NKAIN2: variants seen among roughly 807,000 people sequenced by gnomAD.
The protein encoded by NKAIN2 is sodium/potassium-transporting ATPase subunit beta-1-interacting protein 2.
In NKAIN2, 14 loss-of-function variants were observed where a neutral mutation model predicts 32.6. That is an observed-to-expected ratio of 0.43 (90% CI 0.28 to 0.67). NKAIN2 has a LOEUF of 0.67. Among genes scored for constraint, NKAIN2 ranks in the 30% least tolerant of loss-of-function variants. The pLI, the probability that NKAIN2 is intolerant of heterozygous loss-of-function variation, is 0.17. For missense variants in NKAIN2, 198 were observed against 258.3 expected, an observed-to-expected ratio of 0.77 and a Z score of 1.60; for synonymous variants, 80 against 87.2, an observed-to-expected ratio of 0.92 and a Z score of 0.46.
intron 3 of NKAIN2, among the ~76,000 whole-genome samples, chr6:124,625,390 G>A (rs372344720): frequency 2.6e-5 from 4 of 152,108 alleles, no homozygotes; most frequent in Non-Finnish European, 5.9e-5. Flanking sequence ...AGGAGATGCC[G>A]CTCTTCACTT....
intron 3 of NKAIN2, among the ~76,000 whole-genome samples, chr6:124,549,752 G>A (rs1170382491): frequency 1.3e-5 from 2 of 152,270 alleles, no homozygotes; most frequent in East Asian, 3.9e-4. Flanking sequence ...GATTGGGTTA[G>A]TCTGATGTTT....
chr6:124,823,417 A>C lies in NKAIN2; in HGVS notation c.*188A>C. ...ACACACACGTGAGCACGCACACACC[A>C]ATTCCACTTGACCTCCTCTTTCTAA... is the stretch of plus-strand genomic sequence containing the variant. On this transcript the variant is annotated 3_prime_UTR_variant, in exon 7 of 7. Coordinates refer to ENST00000368417, the MANE Select transcript of NKAIN2 (RefSeq NM_001040214.3). 1 of 553,294 alleles carries C rather than the reference A, an allele frequency of 1.8e-6. No homozygotes were observed. Among genetic ancestry groups the C allele is most frequent in the East Asian group, 2.8e-5 (1 of 35,144 alleles). The allele number at this position is 553,294 out of a possible 1,614,324, so 34.3% of individuals were successfully genotyped here. A position where few individuals can be genotyped will look rare whatever the true frequency, so the allele number is the denominator to read the frequency against.
intron 3 of NKAIN2, among the ~76,000 whole-genome samples, chr6:124,386,876 T>G (rs2208813): frequency 0.13 from 19,069 of 152,160 alleles, 1,677 homozygotes; most frequent in African/African-American, 0.24. Context: ...AAACCTTTTG[T>G]AACACATCAA....
chr6:124,806,325 G>A (rs1275726968), intron 5 of NKAIN2, among the ~76,000 whole-genome samples: 3 of 152,028 alleles, frequency 2.0e-5, no homozygotes, highest in African/African-American at 7.2e-5. Context: ...AGAGAGTGAG[G>A]GCCAATATTC....
At chr6:124,459,683 T>C (rs920216538) in intron 3 of NKAIN2, among the ~76,000 whole-genome samples, 3 of 151,896 alleles carry the variant, frequency 2.0e-5, no homozygotes, top group Non-Finnish European at 2.9e-5. Context: ...TTATTTTCCC[T>C]AATGTTAATA....
chr6:124,814,499 G>C (rs769736460), intron 5 of NKAIN2, among the ~76,000 whole-genome samples: 1 of 152,118 alleles, frequency 6.6e-6, no homozygotes, highest in Non-Finnish European at 1.5e-5. Context: ...CAGGCCATCA[G>C]CATGGTCCGA....
At chr6:124,776,743 A>G (rs1357488024) in intron 4 of NKAIN2, among the ~76,000 whole-genome samples, 1 of 152,188 alleles carries the variant, frequency 6.6e-6, no homozygotes, top group Non-Finnish European at 1.5e-5. Context: ...AAGAGATAAA[A>G]GTATGGTTTC....
At chr6:123,831,973 T>C (rs1207472946) in intron 1 of NKAIN2, among the ~76,000 whole-genome samples, 8 of 152,196 alleles carry the variant, frequency 5.3e-5, no homozygotes, top group African/African-American at 1.7e-4. Context: ...TGAGCCTGTA[T>C]TGACACATTG....
intron 1 of NKAIN2, among the ~76,000 whole-genome samples, chr6:124,127,395 G>A (rs1048105592): frequency 6.6e-6 from 1 of 152,184 alleles, no homozygotes; most frequent in African/African-American, 2.4e-5. Flanking sequence ...CCTGCTTCAT[G>A]ATGGCCTTGA....
chr6:124,230,043 G>A (rs1274460756), intron 1 of NKAIN2, among the ~76,000 whole-genome samples: 31 of 152,084 alleles, frequency 2.0e-4, no homozygotes, highest in Admixed American at 2.0e-3. Context: ...GGGAAAATTT[G>A]GAACTCCCTA....
chr6:124,433,418 A>C (rs1775301883), intron 3 of NKAIN2, among the ~76,000 whole-genome samples: 1 of 152,186 alleles, frequency 6.6e-6, no homozygotes. Context: ...TACAGGATAG[A>C]ACTTGTCTCA....
intron 1 of NKAIN2, among the ~76,000 whole-genome samples, chr6:123,861,994 G>C (rs547727525): frequency 6.6e-6 from 1 of 152,096 alleles, no homozygotes; most frequent in Non-Finnish European, 1.5e-5. Flanking sequence ...GAACAAACAG[G>C]ATGAAAAATA....
At chr6:123,871,399 C>T (rs1772867067) in intron 1 of NKAIN2, among the ~76,000 whole-genome samples, 2 of 152,158 alleles carry the variant, frequency 1.3e-5, no homozygotes, top group Non-Finnish European at 2.9e-5. Flanking sequence ...AGATGCCTTG[C>T]TGGAGCATTT....
chr6:123,844,240 G>A (rs1400343282), intron 1 of NKAIN2, among the ~76,000 whole-genome samples: 1 of 152,182 alleles, frequency 6.6e-6, no homozygotes, highest in African/African-American at 2.4e-5. Context: ...ATAAGTGTTG[G>A]GAGGAAAGCG....
chr6:124,579,628 AGAGAG>A (rs146071619), intron 3 of NKAIN2, among the ~76,000 whole-genome samples: 6,554 of 152,274 alleles, frequency 0.043, 243 homozygotes, highest in South Asian at 0.15. Flanking sequence ...TTGGCCTTAA[AGAGAG>A]GTAGAGAGAG....
intron 4 of NKAIN2, among the ~76,000 whole-genome samples, chr6:124,742,842 T>C (rs1158965977): frequency 6.6e-6 from 1 of 151,864 alleles, no homozygotes; most frequent in African/African-American, 2.4e-5. Flanking sequence ...CTGGAAGATG[T>C]TCAGATTTTA....
chr6:124,400,678 T>C (rs1009889023), intron 3 of NKAIN2, among the ~76,000 whole-genome samples: 1 of 152,162 alleles, frequency 6.6e-6, no homozygotes, highest in African/African-American at 2.4e-5. Context: ...CCTGTAAACA[T>C]TTTTAAATTA....
chr6:124,506,050 A>C (rs1025810612), intron 3 of NKAIN2, among the ~76,000 whole-genome samples: 1 of 152,036 alleles, frequency 6.6e-6, no homozygotes, highest in Non-Finnish European at 1.5e-5. Context: ...GCATGGTGGC[A>C]GGCGCCTGTA....
chr6:124,503,379 C>T (rs1488421685), intron 3 of NKAIN2, among the ~76,000 whole-genome samples: 2 of 152,070 alleles, frequency 1.3e-5, no homozygotes, highest in African/African-American at 4.8e-5. Flanking sequence ...TTCTGTTTGG[C>T]ACACTCTTTT....
Sources: allele counts gnomAD v4.1 joint callset (sites outside exome capture counted in the v4.1 genomes callset), GRCh38; gene constraint gnomAD v4.1.1; transcripts MANE v1.5; gene names NCBI Gene and HGNC (gene_info 2026-07-23, HGNC 2026-07-21).